Variants in TF observed in about 807,000 individuals in gnomAD.
TF encodes the protein serotransferrin.
In TF, 55 loss-of-function variants were observed where a neutral mutation model predicts 82.4. That is an observed-to-expected ratio of 0.67 (90% CI 0.54 to 0.84). The LOEUF (loss-of-function observed/expected upper bound fraction) is 0.84, where lower values mean the gene tolerates loss of function less well. TF is among the 40% of genes least tolerant of loss of function. The pLI is 0.00. For missense variants in TF, 737 were observed against 868.4 expected (o/e 0.85, Z 1.90); for synonymous variants, 332 against 332.6 (o/e 1.00, Z 0.02).
At chr3:133,702,694 T>G in the TF span, among the ~76,000 whole-genome samples, 1 of 152,072 alleles carries the variant, frequency 6.6e-6, no homozygotes, top group Non-Finnish European at 1.5e-5. Flanking sequence ...TGTTATTAAC[T>G]TTATGAGCAG....
At chr3:133,752,945 C>T (rs1933717289) in intron 2 of TF, among the ~76,000 whole-genome samples, 1 of 152,022 alleles carries the variant, frequency 6.6e-6, no homozygotes, top group Non-Finnish European at 1.5e-5. Context: ...GAGAAAGTGC[C>T]CAATCCCTCA....
rs778098287 is a variant in TF, at chr3:133,768,034, T to A, written c.1492T>A (p.Phe498Ile). 1.2e-6 allele frequency: 2 copies of A among 1,614,084 alleles called. No individual in the cohort carries two copies. Among genetic ancestry groups the A allele is most frequent in the Admixed American group, 1.7e-5 (1 of 60,010 alleles). The stretch of plus-strand genomic sequence containing the variant: ...CCTCTTGTCCTTCTGCACAGATGAA[T>A]TTTTCAGTGAAGGTTGTGCCCCTGG... Reference protein sequence around the residue: ...NKINHCRFDEFFSEGCAPGSK... With the variant: ...NKINHCRFDEIFSEGCAPGSK... Residue 498 changes from phenylalanine to isoleucine, a missense_variant, in exon 13 of 17, where the codon TTT becomes ATT. Coordinates refer to ENST00000402696, the MANE Select transcript of TF (RefSeq NM_001063.4).
chr3:133,697,617 G>A, the TF span, among the ~76,000 whole-genome samples: 3 of 152,226 alleles, frequency 2.0e-5, no homozygotes, highest in Non-Finnish European at 4.4e-5. Context: ...CAATGAGTGG[G>A]GGTGGAGAGC....
the TF span, among the ~76,000 whole-genome samples, chr3:133,677,129 AC>A: frequency 6.6e-6 from 1 of 152,182 alleles, no homozygotes; most frequent in Non-Finnish European, 1.5e-5. Flanking sequence ...CTTGGCCTCC[AC>A]CTCCTTTCTC....
At chr3:133,674,607 G>T in the TF span, among the ~76,000 whole-genome samples, 1 of 152,192 alleles carries the variant, frequency 6.6e-6, no homozygotes, top group Non-Finnish European at 1.5e-5. Flanking sequence ...GGAGAATGAG[G>T]CTCGCTATCT....
intron 12 of TF, among the ~76,000 whole-genome samples, chr3:133,767,291 T>C (rs1196104924): frequency 6.6e-6 from 1 of 152,212 alleles, no homozygotes; most frequent in African/African-American, 2.4e-5. Context: ...ACAGATGTTT[T>C]CCAGTGGTTC....
In TF at chr3:133,753,358, G is replaced by A. The variant is rs149097348; in HGVS notation, c.217-237G>A. Among the ~76,000 whole-genome samples, 556 of 152,296 alleles carry A rather than the reference G, an allele frequency of 3.7e-3. 2 individuals carry two copies. The highest frequency in any genetic ancestry group is 0.012 in the African/African-American group (517 of 41,580). ...TTGGCCAGGAGCTGGGCACCTCACC[G>A]GGGAAAAGAGAAACACAATCCATCA... On this transcript the variant is annotated intron_variant, in intron 2 of 16. Transcript: ENST00000402696.
At chr3:133,713,126 C>A in the TF span, among the ~76,000 whole-genome samples, 20 of 152,288 alleles carry the variant, frequency 1.3e-4, no homozygotes, top group South Asian at 3.9e-3. Flanking sequence ...TCCATCAGAG[C>A]CTTGGTTTAA....
chr3:133,695,589 C>A, the TF span, among the ~76,000 whole-genome samples: 2 of 152,108 alleles, frequency 1.3e-5, no homozygotes, highest in Non-Finnish European at 2.9e-5. Context: ...TGTTATAAGA[C>A]CCAGAATCTG....
the TF span, among the ~76,000 whole-genome samples, chr3:133,729,618 G>A: frequency 6.6e-6 from 1 of 152,218 alleles, no homozygotes; most frequent in Non-Finnish European, 1.5e-5. Flanking sequence ...TCCCGAGTGA[G>A]GCAATGCCTC....
chr3:133,681,477 C>T, the TF span, among the ~76,000 whole-genome samples: 1 of 152,098 alleles, frequency 6.6e-6, no homozygotes, highest in African/African-American at 2.4e-5. Context: ...CAGACGGCAC[C>T]TGGAAAATCG....
At chr3:133,698,269 T>C in the TF span, among the ~76,000 whole-genome samples, 1 of 152,246 alleles carries the variant, frequency 6.6e-6, no homozygotes, top group Non-Finnish European at 1.5e-5. Flanking sequence ...GCTTTATTTG[T>C]GCATTTTCTT....
At chr3:133,698,099 G>A in the TF span, among the ~76,000 whole-genome samples, 12 of 152,316 alleles carry the variant, frequency 7.9e-5, no homozygotes, top group African/African-American at 2.9e-4. Flanking sequence ...ACAGCACCTG[G>A]GGTGTTACCA....
the TF span, among the ~76,000 whole-genome samples, chr3:133,733,027 T>A: frequency 6.6e-6 from 1 of 152,216 alleles, no homozygotes; most frequent in East Asian, 1.9e-4. Flanking sequence ...TTGTCCTGTG[T>A]TTACTGAATG....
the TF span, among the ~76,000 whole-genome samples, chr3:133,726,345 G>A: frequency 6.6e-6 from 1 of 152,058 alleles, no homozygotes; most frequent in Non-Finnish European, 1.5e-5. Flanking sequence ...GCCTGTTATT[G>A]GTCTATTCAG....
chr3:133,665,736 G>C, the TF span, among the ~76,000 whole-genome samples: 1 of 151,594 alleles, frequency 6.6e-6, no homozygotes, highest in East Asian at 1.9e-4. Context: ...TCTGAGATCG[G>C]GAGTTCGAGA....
At chr3:133,708,474 T>C in the TF span, among the ~76,000 whole-genome samples, 1,225 of 152,202 alleles carry the variant, frequency 8.0e-3, 21 homozygotes, top group African/African-American at 0.028. Flanking sequence ...ATGGTAGCTA[T>C]TGGGAGGGTC....
intron 2 of TF, chr3:133,748,785 C>T: frequency 1.5e-6 from 1 of 666,732 alleles, no homozygotes; most frequent in Non-Finnish European, 2.6e-6. Context: ...AGCACATTAA[C>T]TTTTGCTTTC....
chr3:133,732,758 C>G, the TF span, among the ~76,000 whole-genome samples: 1 of 152,178 alleles, frequency 6.6e-6, no homozygotes, highest in Non-Finnish European at 1.5e-5. Context: ...CTGTAACACT[C>G]GCTGCAAGGG....
Sources: allele counts gnomAD v4.1 joint callset (sites outside exome capture counted in the v4.1 genomes callset), GRCh38; gene constraint gnomAD v4.1.1; transcripts MANE v1.5; gene names NCBI Gene and HGNC (gene_info 2026-07-23, HGNC 2026-07-21).